Variants in ANKS3 observed in about 807,000 individuals in gnomAD.
The protein encoded by ANKS3 is ankyrin repeat and SAM domain-containing protein 3.
Under a neutral mutation model 80.7 loss-of-function variants are expected in ANKS3, and 62 were observed. The observed-to-expected ratio is 0.77, with a 90% CI of 0.63 to 0.95. The LOEUF (loss-of-function observed/expected upper bound fraction) is 0.95, where lower values mean the gene tolerates loss of function less well. Ranked by LOEUF, ANKS3 falls within the 40% of genes least tolerant of loss-of-function variation. ANKS3 has a pLI of 0.00. For missense variants in ANKS3, 1,150 were observed against 883.6 expected (o/e 1.30, Z -3.82); for synonymous variants, 489 against 355.3 (o/e 1.38, Z -4.23).
At chr16:4,727,574 AG>A in intron 3 of ANKS3, 1 of 280,930 alleles carries the variant, frequency 3.6e-6, no homozygotes, top group Admixed American at 4.7e-5. Context: ...TGTCCAGGAC[AG>A]CCCCCACAGC....
intron 7 of ANKS3, among the ~76,000 whole-genome samples, chr16:4,707,454 G>A (rs2080258870): frequency 6.6e-6 from 1 of 151,930 alleles, no homozygotes; most frequent in East Asian, 1.9e-4. Context: ...GCTAATTTGT[G>A]TATTTTGAGT....
At chr16:4,727,962 T>G (rs2142159375) in intron 3 of ANKS3, 1 of 152,430 alleles carries the variant, frequency 6.6e-6, no homozygotes, top group African/African-American at 2.4e-5. Context: ...CCCACAGGCC[T>G]TCTTTCCCTT....
chr16:4,698,303 G>T, intron 14 of ANKS3, 124 bp downstream of exon 14: 1 of 1,332,654 alleles, frequency 7.5e-7, no homozygotes, highest in Non-Finnish European at 9.9e-7. Flanking sequence ...ATGGGGGTGG[G>T]GTGGCTCCAG....
intron 1 of ANKS3, among the ~76,000 whole-genome samples, chr16:4,732,016 TCA>T (rs1168969401): frequency 6.6e-6 from 1 of 152,170 alleles, no homozygotes; most frequent in Non-Finnish European, 1.5e-5. Context: ...GATGAGGACC[TCA>T]GTTTCTATTA....
At chr16:4,730,986 C>CA (rs1330956387) in intron 2 of ANKS3, among the ~76,000 whole-genome samples, 1 of 152,094 alleles carries the variant, frequency 6.6e-6, no homozygotes, top group African/African-American at 2.4e-5. Context: ...AATGGATAAA[C>CA]AAACGGTGGC....
intron 7 of ANKS3, among the ~76,000 whole-genome samples, chr16:4,706,446 A>C (rs559582436): frequency 1.3e-5 from 2 of 152,254 alleles, no homozygotes; most frequent in South Asian, 4.1e-4. Flanking sequence ...CATGTTGGCC[A>C]GGCTGGTCTC....
intron 16 of ANKS3, 103 bp from the exon 17 acceptor site, chr16:4,697,207 T>TA: frequency 6.4e-7 from 1 of 1,557,710 alleles, no homozygotes; most frequent in Non-Finnish European, 8.8e-7. Context: ...CCTCACCCGT[T>TA]ATGGCCCCAG....
At chr16:4,716,253 C>G (rs985840833) in intron 6 of ANKS3, among the ~76,000 whole-genome samples, 1 of 148,832 alleles carries the variant, frequency 6.7e-6, no homozygotes, top group Non-Finnish European at 1.5e-5. Flanking sequence ...CCAGCTACTC[C>G]GGGGGGCTGA....
At chr16:4,705,051 G>C (rs1445068402) in intron 8 of ANKS3, 44 bp downstream of exon 8, 1 of 1,601,152 alleles carries the variant, frequency 6.2e-7, no homozygotes. Flanking sequence ...ACAAAATCCT[G>C]GTATGCAATG....
In ANKS3 at chr16:4,697,348, G is replaced by C. The variant is rs939285425; in HGVS notation, c.1879C>G (p.Arg627Gly). 6.2e-7 allele frequency: 1 copy of C among 1,607,838 alleles called. No individual in the cohort carries two copies. Residue 627 changes from arginine to glycine, a missense_variant, in exon 16 of 18, where the codon CGT (arginine) becomes GGT (glycine). Transcript: ENST00000304283. ...GGAGACTCACCCATCTCACGGACAC[G>C]GTCCTCCAGGGCTCCCGAGAGCTCG... is the stretch of plus-strand genomic sequence containing the variant. ...LPELSGALED[R>G]VREMGQALCL...
At chr16:4,699,225 G>A (rs1247616629) in intron 11 of ANKS3, 49 bp from the exon 12 acceptor site, 5 of 1,601,660 alleles carry the variant, frequency 3.1e-6, no homozygotes, top group Admixed American at 1.7e-5. Context: ...TGACGACGAA[G>A]CAGAGACGTT....
In ANKS3 at chr16:4,697,367, G is replaced by A. The variant is rs1450948635; in HGVS notation, c.1860C>T (p.Leu620=). 2.5e-6 allele frequency: 4 copies of A among 1,610,114 alleles called. No individual in the cohort carries two copies. The South Asian group carries it at 4.4e-5, about 18-fold the overall frequency. The part of the protein sequence containing the change: ...ASLQAMSLPE[L]SGALEDRVRE... ...GGACACGGTCCTCCAGGGCTCCCGA[G>A]AGCTCGGGGAGGCTCATGGCCTGCA... The change falls in exon 16 of 18, where the codon CTC becomes CTT. Residue 620 remains leucine, a synonymous_variant. Coordinates refer to ENST00000304283, the MANE Select transcript of ANKS3 (RefSeq NM_133450.4).
intron 7 of ANKS3, 72 bp from the exon 8 acceptor site, chr16:4,705,325 G>GA (rs2080126382): frequency 1.3e-6 from 2 of 1,535,198 alleles, no homozygotes; most frequent in East Asian, 2.3e-5. Context: ...ACGGCAAACT[G>GA]AAAGAAAGTG....
At chr16:4,722,308 C>G (rs1319699158) in intron 6 of ANKS3, among the ~76,000 whole-genome samples, 1 of 151,454 alleles carries the variant, frequency 6.6e-6, no homozygotes, top group Non-Finnish European at 1.5e-5. Context: ...CAGCCGGGCA[C>G]AGTGGCTCAC....
At position 4,697,883 on chromosome 16, in the gene ANKS3, C is replaced by T. The variant is rs931345610; in HGVS notation, c.1810+94G>A. The T allele has an allele frequency of 7.5e-5, 90 of 1,198,586 alleles. 1 individual carries two copies. The highest frequency in any genetic ancestry group is 5.1e-4 in the African/African-American group (32 of 62,800). 74.2% of individuals were successfully genotyped at this position (1,198,586 alleles called of 1,614,324 possible). On this transcript the variant is annotated intron_variant, in intron 15 of 17. Transcript: ENST00000304283. ...GGGACCTGGGAGAGTGGCTGCCGGC[C>T]GGAGAACCAGGCCAAGCCCACTGGG...
At chr16:4,732,526 T>A (rs1049190988) in intron 1 of ANKS3, among the ~76,000 whole-genome samples, 1 of 151,812 alleles carries the variant, frequency 6.6e-6, no homozygotes, top group Admixed American at 6.6e-5. Context: ...TTACTAAAAT[T>A]ACAAAAATTA....
At chr16:4,728,345 G>A (rs2081461804) in intron 3 of ANKS3, among the ~76,000 whole-genome samples, 1 of 152,100 alleles carries the variant, frequency 6.6e-6, no homozygotes, top group African/African-American at 2.4e-5. Context: ...CGCCCAGCCG[G>A]GATTCACATA....
chr16:4,727,385 C>T (rs896097813), intron 3 of ANKS3: 3 of 608,304 alleles, frequency 4.9e-6, no homozygotes, highest in Admixed American at 2.8e-5. Flanking sequence ...GAGCCTTCGT[C>T]TCCTTGCTCT....
intron 7 of ANKS3, among the ~76,000 whole-genome samples, chr16:4,713,269 C>CA (rs564373028): frequency 3.3e-4 from 48 of 144,814 alleles, no homozygotes; most frequent in Admixed American, 6.9e-4. Context: ...ACTCCCGTAT[C>CA]AAAAAAAAAA....
Sources: allele counts gnomAD v4.1 joint callset (sites outside exome capture counted in the v4.1 genomes callset), GRCh38; gene constraint gnomAD v4.1.1; transcripts MANE v1.5; gene names NCBI Gene and HGNC (gene_info 2026-07-23, HGNC 2026-07-21).